The following HOXA10 variants were observed in gnomAD, a reference collection of about 807,000 sequenced individuals.
The protein encoded by HOXA10 is homeobox protein Hox-A10.
HOXA10 carries 12 observed loss-of-function variants against 29.7 expected under a neutral mutation model. That is an observed-to-expected ratio of 0.40 (90% CI 0.26 to 0.65). HOXA10 has a LOEUF of 0.65. Ranked by LOEUF, HOXA10 falls within the 30% of genes least tolerant of loss-of-function variation. The pLI is 0.37. For synonymous variants in HOXA10, 327 were observed against 280.7 expected, an observed-to-expected ratio of 1.16 and a Z score of -1.65; for missense variants, 656 against 585.9, an observed-to-expected ratio of 1.12 and a Z score of -1.24.
At chr7:27,172,598 C>T (rs1476206792) in intron 1 of HOXA10, 2 of 247,442 alleles carry the variant, frequency 8.1e-6, no homozygotes, top group South Asian at 4.7e-5. Context: ...GCTGTCTCAC[C>T]CCAGGGCCCT....
chr7:27,171,740 A>G lies in HOXA10; in HGVS notation c.*159T>C. On this transcript the variant is annotated 3_prime_UTR_variant, in exon 2 of 2. Coordinates refer to ENST00000283921, the MANE Select transcript of HOXA10 (RefSeq NM_018951.4). Reference sequence around the variant, plus strand: ...AAACACAAAGAAACAAAAAGTCAGAACAAACCAGCCCTGCACAGATGTAAC... The same window carrying G: ...AAACACAAAGAAACAAAAAGTCAGAGCAAACCAGCCCTGCACAGATGTAAC... 2.5e-6 allele frequency: 2 copies of G among 814,656 alleles called. No individual in the cohort carries two copies. Among genetic ancestry groups the G allele is most frequent in the South Asian group, 2.7e-5 (2 of 74,274 alleles). 50.5% of individuals were successfully genotyped at this position (814,656 alleles called of 1,614,324 possible).
In HOXA10 at chr7:27,171,496, A is replaced by C; in HGVS notation, c.*403T>G. On this transcript the variant is annotated 3_prime_UTR_variant, in exon 2 of 2. Coordinates refer to ENST00000283921, the MANE Select transcript of HOXA10 (RefSeq NM_018951.4). The stretch of plus-strand genomic sequence containing the variant: ...CCATTGACCTCAGGCCAGACACCTC[A>C]GCGCCAACAATGGGACCTCGGCCTT... The C allele has an allele frequency of 2.2e-6, 1 of 461,918 alleles. No homozygotes were observed. Among genetic ancestry groups the C allele is most frequent in the Non-Finnish European group, 4.3e-6 (1 of 232,028 alleles). The allele number at this position is 461,918 out of a possible 1,614,324, so 28.6% of individuals were successfully genotyped here.
upstream of HOXA10, among the ~76,000 whole-genome samples, chr7:27,178,268 C>A (rs1217078906): frequency 3.3e-5 from 5 of 152,238 alleles, no homozygotes; most frequent in Non-Finnish European, 7.3e-5. Flanking sequence ...CAGAGCTTCT[C>A]ATATCCATGC....
rs745420921 is a variant in HOXA10, at chr7:27,173,737, G to A, written c.570C>T (p.Pro190=). The A allele has an allele frequency of 6.3e-7, 1 of 1,596,954 alleles. No individual in the cohort carries two copies. Among genetic ancestry groups the A allele is most frequent in the Non-Finnish European group, 8.5e-7 (1 of 1,172,344 alleles). ...KVSATAAELA[P]FPRGPPPDGC... is the part of the protein sequence containing the mutation. ...CGTCGGGCGGCGGGCCCCGCGGGAAGGGAGCCAGTTCGGCGGCGGTGGCCG... is the reference window on the plus strand; with the variant it reads ...CGTCGGGCGGCGGGCCCCGCGGGAAAGGAGCCAGTTCGGCGGCGGTGGCCG... The change falls in exon 1 of 2, where the codon CCC becomes CCT. Residue 190 remains proline, a synonymous_variant. Coordinates refer to ENST00000283921, the MANE Select transcript of HOXA10 (RefSeq NM_018951.4).
chr7:27,174,604 G>T (rs939031026), upstream of HOXA10: 1 of 478,908 alleles, frequency 2.1e-6, no homozygotes. Flanking sequence ...ACCCGGACGT[G>T]AGCCCCATAC....
At chr7:27,172,813 T>A (rs1783534673) in intron 1 of HOXA10, 1 of 163,546 alleles carries the variant, frequency 6.1e-6, no homozygotes. Context: ...CCAGGCCGGA[T>A]TTGCCTTTTC....
At chr7:27,177,522 C>T (rs374662135), upstream of HOXA10, among the ~76,000 whole-genome samples, 39 of 152,116 alleles carry the variant, frequency 2.6e-4, no homozygotes, top group African/African-American at 8.5e-4. Context: ...AAGTTAAACG[C>T]CTCCTTGGCC....
upstream of HOXA10, among the ~76,000 whole-genome samples, chr7:27,178,301 T>A (rs1783689998): frequency 6.6e-6 from 1 of 152,366 alleles, no homozygotes; most frequent in South Asian, 2.1e-4. Flanking sequence ...TTAGAAAATT[T>A]TTCCACAAGC....
chr7:27,178,130 T>A (rs1424465407), upstream of HOXA10, among the ~76,000 whole-genome samples: 2 of 152,210 alleles, frequency 1.3e-5, no homozygotes, highest in Non-Finnish European at 2.9e-5. Flanking sequence ...ACAATTTATA[T>A]CTGGAGGGCA....
chr7:27,172,476 T>A, intron 1 of HOXA10: 1 of 466,702 alleles, frequency 2.1e-6, no homozygotes, highest in South Asian at 2.3e-5. Context: ...AGGCTGTACA[T>A]CTTGAACTTA....
upstream of HOXA10, among the ~76,000 whole-genome samples, chr7:27,174,490 G>A (rs1419919619): frequency 6.6e-6 from 1 of 152,192 alleles, no homozygotes; most frequent in Non-Finnish European, 1.5e-5. Context: ...TGTATTGATG[G>A]GCCAGGAGAC....
In HOXA10 at chr7:27,174,171, C is replaced by T. The variant is rs1464666345; in HGVS notation, c.136G>A (p.Gly46Ser). ...SSGRGEAGGG[G>S]GGAGGGGGGG... is the part of the protein sequence containing the mutation. ...CCGCCGCCGCCCCCCGCGCCACCACCACCGCCGCCTGCCTCGCCTCTGCCC... is the reference window on the plus strand; with the variant it reads ...CCGCCGCCGCCCCCCGCGCCACCACTACCGCCGCCTGCCTCGCCTCTGCCC... Residue 46 changes from glycine to serine, a missense_variant, in exon 1 of 2, where the codon GGT becomes AGT. Gly to Ser is a moderately conservative substitution (Grantham distance 56, BLOSUM62 0). Coordinates refer to ENST00000283921, the MANE Select transcript of HOXA10 (RefSeq NM_018951.4). 2 of 1,597,286 alleles carry T rather than the reference C, an allele frequency of 1.3e-6. 1 individual carries two copies. Among genetic ancestry groups the T allele is most frequent in the South Asian group, 2.2e-5 (2 of 90,188 alleles).
At chr7:27,175,984 C>A (rs1374855854), upstream of HOXA10, among the ~76,000 whole-genome samples, 1 of 152,200 alleles carries the variant, frequency 6.6e-6, no homozygotes, top group Non-Finnish European at 1.5e-5. Flanking sequence ...ATTCAAGCAG[C>A]TGCGGTCGCT....
At chr7:27,173,023 C>G (rs972362668) in intron 1 of HOXA10, 5 of 362,242 alleles carry the variant, frequency 1.4e-5, no homozygotes, top group African/African-American at 2.1e-5. Flanking sequence ...CCGCGCCGCG[C>G]AGGCTGGGCA....
At position 27,173,860 on chromosome 7, in the gene HOXA10, C is replaced by T. The variant is rs778171065; in HGVS notation, c.447G>A (p.Gln149=). The change falls in exon 1 of 2, where the codon CAG becomes CAA. Residue 149 remains glutamine, a synonymous_variant. Transcript: ENST00000283921. The part of the protein sequence containing the change: ...QQPPPPPQPP[Q]PAPQATSCSF... ...AGCACGAGGTGGCCTGCGGCGCTGG[C>T]TGGGGTGGTTGCGGCGGGGGCGGCG... 4 of 1,601,998 alleles carry T rather than the reference C, an allele frequency of 2.5e-6. No individual in the cohort carries two copies. In the South Asian group the frequency reaches 3.3e-5, roughly 13 times the overall value.
In HOXA10 at chr7:27,173,502, C is replaced by A. The variant is rs762279257; in HGVS notation, c.805G>T (p.Ala269Ser). ...GTGGGGGGCGGCGGCGAATCGAGGG[C>A]TCGCTCCTTCCGGGCCGCATCGGCC... ...GSADAARKER[A>S]LDSPPPPTLA... The change falls in exon 1 of 2, where the codon GCC becomes TCC. Residue 269 changes from alanine (A) to serine (S), a missense_variant. By Grantham distance (99) the Ala-to-Ser change is moderately conservative. This residue lies in a region of HOXA10 where 594 missense variants were observed against 491.9 expected (regional missense o/e 1.21). Coordinates refer to ENST00000283921, the MANE Select transcript of HOXA10 (RefSeq NM_018951.4). 8 of 1,509,166 alleles carry A rather than the reference C, an allele frequency of 5.3e-6. No individual in the cohort carries two copies. In the Admixed American group the frequency reaches 1.5e-4, roughly 29 times the overall value. The allele number at this position is 1,509,166 out of a possible 1,614,324, so 93.5% of individuals were successfully genotyped here.
chr7:27,177,700 G>A (rs1230404458), upstream of HOXA10, among the ~76,000 whole-genome samples: 1 of 152,190 alleles, frequency 6.6e-6, no homozygotes, highest in Non-Finnish European at 1.5e-5. Context: ...AAGCGATTCA[G>A]TTGTAGTGTG....
chr7:27,173,489 G>T lies in HOXA10; in HGVS notation c.818C>A (p.Pro273Gln). 1 of 1,540,316 alleles carries T rather than the reference G, an allele frequency of 6.5e-7. No individual in the cohort carries two copies. The highest frequency in any genetic ancestry group is 8.7e-7 in the Non-Finnish European group (1 of 1,148,086). Residue 273 changes from proline to glutamine, a missense_variant, in exon 1 of 2, where the codon CCG (proline) becomes CAG (glutamine). Pro to Gln is a moderately conservative substitution (Grantham distance 76). Around this residue, in one of 2 missense-constraint regions of HOXA10, gnomAD observed 594 missense variants for 491.9 expected, o/e 1.21. Coordinates refer to ENST00000283921, the MANE Select transcript of HOXA10 (RefSeq NM_018951.4). The part of the protein sequence containing the change: ...AARKERALDS[P>Q]PPPTLACGSG... ...GCCGCAAGCCAGCGTGGGGGGCGGC[G>T]GCGAATCGAGGGCTCGCTCCTTCCG...
Position 27,174,140 on chromosome 7 carries a change from C to T in HOXA10, c.167G>A (p.Gly56Asp). 6.3e-7 allele frequency: 1 copy of T among 1,594,490 alleles called. No homozygotes were observed. The highest frequency in any genetic ancestry group is 8.5e-7 in the Non-Finnish European group (1 of 1,178,298). ...GTAGACCCCGCCGTGGGCGTAGTAA[C>T]CGCCACCGCCGCCGCCCCCCGCGCC... ...GGGAGGGGGG[G>D]YYAHGGVYLP... The change falls in exon 1 of 2, where the codon GGT becomes GAT. Residue 56 changes from glycine (G) to aspartate (D), a missense_variant. Gly to Asp is a moderately conservative substitution (Grantham distance 94). This residue lies in a region of HOXA10 where 594 missense variants were observed against 491.9 expected (regional missense o/e 1.21). Transcript: ENST00000283921.
Sources: gnomAD v4.1 joint callset for allele counts (sites outside exome capture counted in the v4.1 genomes callset) on GRCh38, gnomAD v4.1.1 for gene constraint, gnomAD v4.1.1 regional missense constraint, MANE v1.5 for transcripts, NCBI Gene and HGNC (gene_info 2026-07-23, HGNC 2026-07-21) for gene names.